MPDZ: variants seen among roughly 807,000 people sequenced by gnomAD.
MPDZ encodes the protein multiple PDZ domain protein.
MPDZ carries 234 observed loss-of-function variants against 239.1 expected under a neutral mutation model. The observed-to-expected ratio is 0.98, with a 90% CI of 0.88 to 1.09. The LOEUF is 1.09. Among genes scored for constraint, MPDZ ranks in the 50% least tolerant of loss-of-function variants. The pLI is 0.00. For synonymous variants in MPDZ, 1,048 were observed against 881.3 expected (o/e 1.19, Z -3.35); for missense variants, 3,175 against 2,510.0 (o/e 1.26, Z -5.66).
In MPDZ at chr9:13,109,951, C is replaced by T. The variant is rs755050777; in HGVS notation, c.5942+1G>A. ...ACACTAATCATCATGTATGAACTCA[C>T]CCTAAATCATCCTGAAATATACTGC... On this transcript the variant is annotated splice_donor_variant, in intron 45 of 46. Coordinates refer to ENST00000319217, the MANE Select transcript of MPDZ (RefSeq NM_001378778.1). LOFTEE classifies it high-confidence loss of function. The T allele has an allele frequency of 9.3e-6, 15 of 1,609,640 alleles. No individual in the cohort carries two copies. Among genetic ancestry groups the T allele is most frequent in the African/African-American group, 1.3e-5 (1 of 74,826 alleles).
chr9:13,131,227 T>C (rs773316896), intron 32 of MPDZ, among the ~76,000 whole-genome samples: 14 of 152,142 alleles, frequency 9.2e-5, no homozygotes, highest in Non-Finnish European at 2.1e-4. Flanking sequence ...CCAGGCTTAG[T>C]GTAATATGTC....
At chr9:13,198,001 C>G (rs1035486450) in intron 12 of MPDZ, among the ~76,000 whole-genome samples, 3 of 152,028 alleles carry the variant, frequency 2.0e-5, no homozygotes, top group Admixed American at 6.6e-5. Context: ...TCCTGTTGAT[C>G]GGCACTTAGG....
intron 26 of MPDZ, among the ~76,000 whole-genome samples, chr9:13,146,877 C>A (rs1182299775): frequency 6.6e-6 from 1 of 151,982 alleles, no homozygotes; most frequent in Admixed American, 6.6e-5. Flanking sequence ...TAACAACATT[C>A]ATTAAATGTA....
chr9:13,115,982 A>G (rs1026251205), intron 39 of MPDZ, among the ~76,000 whole-genome samples: 1 of 151,096 alleles, frequency 6.6e-6, no homozygotes, highest in African/African-American at 2.4e-5. Flanking sequence ...AAGCGAACAC[A>G]ATAAAACCAC....
intron 3 of MPDZ, among the ~76,000 whole-genome samples, chr9:13,225,746 G>C (rs1409339551): frequency 2.6e-5 from 4 of 151,802 alleles, no homozygotes; most frequent in African/African-American, 4.8e-5. Context: ...CCAAGGTTTG[G>C]GTAAGTATAC....
chr9:13,241,525 T>C (rs922542389), intron 3 of MPDZ, among the ~76,000 whole-genome samples: 1 of 152,302 alleles, frequency 6.6e-6, no homozygotes, highest in Non-Finnish European at 1.5e-5. Flanking sequence ...AGCAAGCATA[T>C]AGGTGAATCA....
At chr9:13,236,951 CTTA>C (rs1352759849) in intron 3 of MPDZ, among the ~76,000 whole-genome samples, 1 of 151,118 alleles carries the variant, frequency 6.6e-6, no homozygotes, top group African/African-American at 2.4e-5. Flanking sequence ...ATCTTTATTT[CTTA>C]TTATTGTTAC....
At chr9:13,111,601 A>T (rs1025947006) in intron 43 of MPDZ, among the ~76,000 whole-genome samples, 2 of 152,238 alleles carry the variant, frequency 1.3e-5, no homozygotes, top group African/African-American at 4.8e-5. Flanking sequence ...ATTGTAAGTC[A>T]TATTTATATT....
At chr9:13,278,256 G>A (rs1404363953) in intron 1 of MPDZ, among the ~76,000 whole-genome samples, 2 of 152,078 alleles carry the variant, frequency 1.3e-5, no homozygotes. Context: ...ATGATACCTA[G>A]GAAACACTAG....
intron 1 of MPDZ, among the ~76,000 whole-genome samples, chr9:13,273,668 T>C (rs1309207073): frequency 6.6e-6 from 1 of 152,182 alleles, no homozygotes; most frequent in Admixed American, 6.5e-5. Flanking sequence ...ATTTTGTCTG[T>C]AGCCACAGTA....
In MPDZ at chr9:13,125,229, C is replaced by G; in HGVS notation, c.4794G>C (p.Pro1598=). 1 of 1,598,864 alleles carries G rather than the reference C, an allele frequency of 6.3e-7. No homozygotes were observed. Among genetic ancestry groups the G allele is most frequent in the Non-Finnish European group, 8.5e-7 (1 of 1,170,370 alleles). ...CAGAGGCCTTACTTCGGATGGACTC[C>G]GGTTCTGGGGAGCCAGACTGTGGGA... ...LMVPQSGSPE[P]ESIRNTSRSS... Residue 1598 remains proline (P), a synonymous_variant, in exon 35 of 47, where the codon CCG becomes CCC. Coordinates refer to ENST00000319217, the MANE Select transcript of MPDZ (RefSeq NM_001378778.1).
intron 12 of MPDZ, among the ~76,000 whole-genome samples, chr9:13,198,320 G>C (rs1955906510): frequency 6.6e-6 from 1 of 152,044 alleles, no homozygotes; most frequent in East Asian, 1.9e-4. Context: ...TCTCATTGTA[G>C]TTTTGACTTG....
chr9:13,186,350 C>G lies in MPDZ; in HGVS notation c.2401G>C (p.Asp801His), dbSNP rs758473798. The G allele has an allele frequency of 6.3e-7, 1 of 1,589,030 alleles. No homozygotes were observed. The highest frequency in any genetic ancestry group is 1.3e-5 in the African/African-American group (1 of 74,402). Residue 801 changes from aspartate to histidine, a missense_variant, in exon 18 of 47, where the codon GAT becomes CAT. Coordinates refer to ENST00000319217, the MANE Select transcript of MPDZ (RefSeq NM_001378778.1). ...PEEGYVSAKE[D>H]SFLYPPHSCE... ...GAGTGTGGTGGGTAGAGAAAGGAAT[C>G]CTCCTTAGCAGAAACATAACCTTCT...
intron 10 of MPDZ, 88 bp from the exon 11 acceptor site, chr9:13,206,187 T>C: frequency 1.6e-6 from 2 of 1,236,580 alleles, no homozygotes; most frequent in African/African-American, 1.5e-5. Context: ...TGTATAGTTG[T>C]TAGTGTGAAA....
intron 1 of MPDZ, among the ~76,000 whole-genome samples, chr9:13,269,350 A>C (rs1416753850): frequency 1.3e-5 from 2 of 152,304 alleles, no homozygotes; most frequent in Non-Finnish European, 2.9e-5. Context: ...TTGAATTTTA[A>C]TTTCATGAAG....
At chr9:13,155,345 T>G (rs1420296858) in intron 24 of MPDZ, among the ~76,000 whole-genome samples, 1 of 152,156 alleles carries the variant, frequency 6.6e-6, no homozygotes, top group Non-Finnish European at 1.5e-5. Flanking sequence ...CTAGATAAAT[T>G]TTCATGTGTA....
At chr9:13,276,630 G>A (rs753816359) in intron 1 of MPDZ, 3 of 152,170 alleles carry the variant, frequency 2.0e-5, no homozygotes, top group Non-Finnish European at 2.9e-5. Flanking sequence ...TTAAAGTGTA[G>A]GATCTTTCTC....
chr9:13,214,022 C>T (rs889467882), intron 10 of MPDZ, among the ~76,000 whole-genome samples: 6 of 152,010 alleles, frequency 3.9e-5, no homozygotes, highest in Non-Finnish European at 8.8e-5. Context: ...CATTTGGTAA[C>T]TGGTAAAACA....
At chr9:13,166,983 T>C (rs1296985170) in intron 22 of MPDZ, among the ~76,000 whole-genome samples, 1 of 152,102 alleles carries the variant, frequency 6.6e-6, no homozygotes, top group East Asian at 1.9e-4. Context: ...CTAATTCTGG[T>C]GATCAGAATG....
Sources: allele counts gnomAD v4.1 joint callset (sites outside exome capture counted in the v4.1 genomes callset), GRCh38; gene constraint gnomAD v4.1.1; transcripts MANE v1.5; gene names NCBI Gene and HGNC (gene_info 2026-07-23, HGNC 2026-07-21).